The following NXN variants were observed in gnomAD, a reference collection of about 807,000 sequenced individuals.
NXN encodes the protein nucleoredoxin 1.
Under a neutral mutation model 48.6 loss-of-function variants are expected in NXN, and 16 were observed. That is an observed-to-expected ratio of 0.33 (90% CI 0.22 to 0.50). NXN has a LOEUF of 0.50. NXN is among the 20% of genes least tolerant of loss of function. NXN has a pLI of 0.98. For missense variants in NXN, 492 were observed against 605.5 expected (o/e 0.81, Z 1.97); for synonymous variants, 281 against 269.6 (o/e 1.04, Z -0.41).
chr17:817,222 C>A (rs913558805), intron 5 of NXN, among the ~76,000 whole-genome samples: 1 of 152,126 alleles, frequency 6.6e-6, no homozygotes, highest in African/African-American at 2.4e-5. Flanking sequence ...CTTAGCCCCA[C>A]CAAATCCAAA....
intron 1 of NXN, among the ~76,000 whole-genome samples, chr17:870,196 C>T (rs933456638): frequency 6.6e-6 from 1 of 152,160 alleles, no homozygotes; most frequent in African/African-American, 2.4e-5. Flanking sequence ...TGGGATTATT[C>T]CAGTCTCCAT....
chr17:817,349 T>C (rs1260949980), intron 5 of NXN, among the ~76,000 whole-genome samples: 1 of 152,122 alleles, frequency 6.6e-6, no homozygotes, highest in East Asian at 1.9e-4. Context: ...CATATATGTA[T>C]TCTAAATGGT....
At chr17:818,103 A>C (rs547915802) in intron 5 of NXN, among the ~76,000 whole-genome samples, 8 of 152,074 alleles carry the variant, frequency 5.3e-5, no homozygotes, top group Non-Finnish European at 1.0e-4. Flanking sequence ...TACTAAAAAT[A>C]CAAAAAAATG....
At chr17:963,807 G>A (rs2069268113) in intron 1 of NXN, among the ~76,000 whole-genome samples, 1 of 152,190 alleles carries the variant, frequency 6.6e-6, no homozygotes, top group African/African-American at 2.4e-5. Flanking sequence ...GCCGGGCGCG[G>A]TGGCTCACGC....
rs916177894 is a variant in NXN, at chr17:849,190, C to T, written c.361-23112G>A. On this transcript the variant is annotated intron_variant, in intron 1 of 7. Transcript: ENST00000336868. The surrounding 1 kb of genome is among the most constrained non-coding windows in gnomAD (Gnocchi z 4.2). Reference sequence around the variant, plus strand: ...CACGCTTGATCTAAGACCAATCACGCTCTCTCCTGGAAGTTCAGAAAGTGG... The same window carrying T: ...CACGCTTGATCTAAGACCAATCACGTTCTCTCCTGGAAGTTCAGAAAGTGG... Among the ~76,000 whole-genome samples the T allele has an allele frequency of 9.9e-5, 15 of 152,164 alleles. No individual in the cohort carries two copies. The highest frequency in any genetic ancestry group is 3.4e-4 in the African/African-American group (14 of 41,442).
At chr17:833,025 G>C in intron 1 of NXN, among the ~76,000 whole-genome samples, 1 of 152,090 alleles carries the variant, frequency 6.6e-6, no homozygotes. Flanking sequence ...CGAGTAGCTG[G>C]GACTACAGGC....
chr17:824,679 T>A (rs1248548787), intron 2 of NXN, among the ~76,000 whole-genome samples: 1 of 152,100 alleles, frequency 6.6e-6, no homozygotes, highest in East Asian at 1.9e-4. Flanking sequence ...AGAATTTAAG[T>A]CTAATAAAAG....
At chr17:833,110 C>T (rs899143662) in intron 1 of NXN, among the ~76,000 whole-genome samples, 3 of 152,120 alleles carry the variant, frequency 2.0e-5, no homozygotes, top group Non-Finnish European at 2.9e-5. Context: ...CCAGGATGGT[C>T]TCGACCTCCT....
intron 1 of NXN, among the ~76,000 whole-genome samples, chr17:868,554 C>A (rs940636681): frequency 2.6e-5 from 4 of 151,952 alleles, no homozygotes; most frequent in East Asian, 1.9e-4. Context: ...TGCAGTGATG[C>A]GATCTCTGCT....
chr17:833,728 C>T (rs556746390), intron 1 of NXN, among the ~76,000 whole-genome samples: 1 of 152,246 alleles, frequency 6.6e-6, no homozygotes, highest in East Asian at 1.9e-4. Context: ...CAAATGAAGA[C>T]CTCCCTGTCT....
chr17:923,420 G>A (rs1316420952), intron 1 of NXN, among the ~76,000 whole-genome samples: 1 of 152,172 alleles, frequency 6.6e-6, no homozygotes, highest in African/African-American at 2.4e-5. Flanking sequence ...CTACCCCGGA[G>A]GCTGAGACGG....
chr17:890,820 G>A (rs902401753), intron 1 of NXN, among the ~76,000 whole-genome samples: 2 of 152,112 alleles, frequency 1.3e-5, no homozygotes, highest in African/African-American at 4.8e-5. Context: ...CCATAAGGGA[G>A]TGAGTTTGGC....
chr17:940,603 G>T (rs1016204639), intron 1 of NXN, among the ~76,000 whole-genome samples: 1 of 152,216 alleles, frequency 6.6e-6, no homozygotes, highest in Non-Finnish European at 1.5e-5. Flanking sequence ...AGCCCAGCGG[G>T]CTTTGCAGGA....
At chr17:972,175 G>C (rs571863773) in intron 1 of NXN, among the ~76,000 whole-genome samples, 14 of 151,904 alleles carry the variant, frequency 9.2e-5, no homozygotes, top group Non-Finnish European at 1.6e-4. Context: ...TGGCACATGC[G>C]CCTATAATCC....
At chr17:977,008 C>T (rs763038325) in intron 1 of NXN, among the ~76,000 whole-genome samples, 8 of 152,140 alleles carry the variant, frequency 5.3e-5, no homozygotes, top group South Asian at 2.1e-4. Context: ...TCAGGTGATC[C>T]GCCCACCTCA....
intron 1 of NXN, among the ~76,000 whole-genome samples, chr17:835,204 A>T (rs991680034): frequency 1.3e-5 from 2 of 150,612 alleles, no homozygotes; most frequent in African/African-American, 4.9e-5. Context: ...GCTACTCGGG[A>T]GGCTGAGGCA....
At chr17:816,065 A>C (rs73975544) in intron 5 of NXN, among the ~76,000 whole-genome samples, 13,318 of 152,220 alleles carry the variant, frequency 0.087, 681 homozygotes, top group Middle Eastern at 0.15. Context: ...GAGGGGCAGG[A>C]CACGGCGCTC....
chr17:921,356 A>G (rs985131648), intron 1 of NXN, among the ~76,000 whole-genome samples: 16 of 152,040 alleles, frequency 1.1e-4, no homozygotes, highest in Non-Finnish European at 4.4e-5. Context: ...GCCGGCTCTC[A>G]GCGGGGCCAC....
Position 979,466 on chromosome 17 carries a change from T to TCCCGGC in NXN, c.207_212dup (p.Pro70_Gly71dup), listed in dbSNP as rs779356790. 1.7e-5 allele frequency: 20 copies of TCCCGGC among 1,204,154 alleles called. No homozygotes were observed. The South Asian group carries it at 2.2e-4, about 13-fold the overall frequency. 74.6% of individuals were successfully genotyped at this position (1,204,154 alleles called of 1,614,324 possible). A position where few individuals can be genotyped will look rare whatever the true frequency, so the allele number is the denominator to read the frequency against. Reference sequence around the variant, plus strand: ...GCTCCGCCGCCGCCCCGGCCCCCGCTCCCGGCCCCGGCCCGGCCGCCGCGT... The same window carrying TCCCGGC: ...GCTCCGCCGCCGCCCCGGCCCCCGCTCCCGGCCCCGGCCCCGGCCCGGCCGCCGCGT... On this transcript the variant is annotated inframe_insertion, in exon 1 of 8. Coordinates refer to ENST00000336868, the MANE Select transcript of NXN (RefSeq NM_022463.5).
Sources: gnomAD v4.1 joint callset for allele counts (sites outside exome capture counted in the v4.1 genomes callset) on GRCh38, gnomAD v4.1.1 for gene constraint, Gnocchi (gnomAD v3.1) non-coding constraint, MANE v1.5 for transcripts, NCBI Gene and HGNC (gene_info 2026-07-23, HGNC 2026-07-21) for gene names.